FAM114A2: variants seen among roughly 807,000 people sequenced by gnomAD.
FAM114A2 encodes the protein family with sequence similarity 114 member A2, also known as protein FAM114A2.
A neutral mutation model predicts 58.4 loss-of-function variants in FAM114A2; 53 were observed. That is an observed-to-expected ratio of 0.91 (90% CI 0.73 to 1.14). The LOEUF (loss-of-function observed/expected upper bound fraction) is 1.14, where lower values mean the gene tolerates loss of function less well. Among genes scored for constraint, FAM114A2 ranks in the 50% most tolerant of loss-of-function variants. The pLI is 0.00. For synonymous variants in FAM114A2, 228 were observed against 211.4 expected, an observed-to-expected ratio of 1.08 and a Z score of -0.68; for missense variants, 601 against 581.1, an observed-to-expected ratio of 1.03 and a Z score of -0.35.
chr5:154,014,849 C>T (rs1051666145), intron 8 of FAM114A2, among the ~76,000 whole-genome samples: 2 of 152,132 alleles, frequency 1.3e-5, no homozygotes, highest in African/African-American at 4.8e-5. Context: ...ACTCCACAGG[C>T]AGGGGAAAAA....
chr5:153,991,692 A>ATTTTT lies in FAM114A2; in HGVS notation c.*1279_*1283dup, dbSNP rs58561538. The ATTTTT allele has an allele frequency of 1.0e-4, 13 of 129,132 alleles. No homozygotes were observed. The highest frequency in any genetic ancestry group is 3.7e-4 in the African/African-American group (13 of 35,272). The allele number at this position is 129,132 out of a possible 1,614,324, so 8.0% of individuals were successfully genotyped here. The stretch of plus-strand genomic sequence containing the variant: ...ATCTATGTTATGGCTTTGCTTTGCT[A>ATTTTT]TTTTTTTTTTTTTTTTTTGGTCTAA... On this transcript the variant is annotated 3_prime_UTR_variant, in exon 14 of 14. Coordinates refer to ENST00000351797, the MANE Select transcript of FAM114A2 (RefSeq NM_018691.4).
chr5:153,996,541 T>C (rs1769566530), intron 12 of FAM114A2, among the ~76,000 whole-genome samples: 2 of 141,504 alleles, frequency 1.4e-5, no homozygotes, highest in African/African-American at 5.3e-5. Flanking sequence ...CCATCAAAAA[T>C]CTGATAAGAA....
In FAM114A2 at chr5:154,011,367, G is replaced by A. The variant is rs199674752; in HGVS notation, c.914-47C>T. The A allele has an allele frequency of 3.6e-4, 477 of 1,342,136 alleles. 2 individuals are homozygous for A. In the East Asian group the frequency reaches 9.9e-3, roughly 28 times the overall value. The allele number at this position is 1,342,136 out of a possible 1,614,324, so 83.1% of individuals were successfully genotyped here. A position where few individuals can be genotyped will look rare whatever the true frequency, so the allele number is the denominator to read the frequency against. On this transcript the variant is annotated intron_variant, in intron 8 of 13. Transcript: ENST00000351797. The stretch of plus-strand genomic sequence containing the variant: ...AAAACACTCCAGAAAGACTGCTGAG[G>A]ATCATGAGGTGGCAGGCGAGGAGGA...
chr5:154,031,096 G>A (rs1364690999), intron 4 of FAM114A2, among the ~76,000 whole-genome samples: 1 of 151,952 alleles, frequency 6.6e-6, no homozygotes, highest in African/African-American at 2.4e-5. Flanking sequence ...AGGATCACTT[G>A]AGGTCAGGAG....
In FAM114A2 at chr5:153,992,259, C is replaced by T. The variant is rs1769284958; in HGVS notation, c.*717G>A. ...AAACTGCTTCTCTAAATTGCATTTA[C>T]TGGCCTTGAATCCAGTAGAGTAGGG... On this transcript the variant is annotated 3_prime_UTR_variant, in exon 14 of 14. Transcript: ENST00000351797. The T allele has an allele frequency of 1.3e-5, 2 of 152,308 alleles. No individual in the cohort carries two copies. The highest frequency in any genetic ancestry group is 2.1e-4 in the South Asian group (1 of 4,830). 9.4% of individuals were successfully genotyped at this position (152,308 alleles called of 1,614,324 possible).
At chr5:154,032,020 G>A (rs1772236248) in intron 4 of FAM114A2, among the ~76,000 whole-genome samples, 1 of 152,188 alleles carries the variant, frequency 6.6e-6, no homozygotes, top group African/African-American at 2.4e-5. Context: ...CCAATTTACT[G>A]AGCATAAGAC....
rs561072862 is a variant in FAM114A2 at position 154,023,218 on chromosome 5, C to T, written c.913+3181G>A. 1.8e-4 allele frequency among the ~76,000 whole-genome samples: 28 copies of T among 152,162 alleles called. No homozygotes were observed. The South Asian group carries it at 2.5e-3, about 14-fold the overall frequency. The stretch of plus-strand genomic sequence containing the variant: ...AGTTGATGGGTGCAGCAAACCAACA[C>T]GGCACATGTATACATACGTAACAGG... On this transcript the variant is annotated intron_variant, in intron 8 of 13. Coordinates refer to ENST00000351797, the MANE Select transcript of FAM114A2 (RefSeq NM_018691.4).
intron 8 of FAM114A2, among the ~76,000 whole-genome samples, chr5:154,018,630 CTGA>C (rs1249054709): frequency 6.6e-6 from 1 of 152,126 alleles, no homozygotes; most frequent in Admixed American, 6.5e-5. Flanking sequence ...ACCAATATCC[CTGA>C]TGAGTATAGA....
At chr5:154,011,027 T>C (rs1178458721) in intron 9 of FAM114A2, among the ~76,000 whole-genome samples, 1 of 152,096 alleles carries the variant, frequency 6.6e-6, no homozygotes, top group East Asian at 1.9e-4. Context: ...TGAAAACAGG[T>C]AAGGATGGGA....
rs763827655 is a variant in FAM114A2, at chr5:154,027,293, G to A, written c.672C>T (p.Ser224=). Residue 224 remains serine (S), a synonymous_variant, in exon 7 of 14, where the codon TCC becomes TCT. Coordinates refer to ENST00000351797, the MANE Select transcript of FAM114A2 (RefSeq NM_018691.4). Reference sequence around the variant, plus strand: ...TGTCTGTTTCCACGGTAACCTCATTGGAGGTCCGTATCTCTTCTTTCTCCT... The same window carrying A: ...TGTCTGTTTCCACGGTAACCTCATTAGAGGTCCGTATCTCTTCTTTCTCCT... ...EAKEKEEIRT[S]NEVTVETDKK... is the part of the protein sequence containing the mutation. 2 of 1,613,406 alleles carry A rather than the reference G, an allele frequency of 1.2e-6. No individual in the cohort carries two copies. Among genetic ancestry groups the A allele is most frequent in the South Asian group, 2.2e-5 (2 of 91,030 alleles).
At chr5:154,036,372 TA>T (rs1772558552) in intron 1 of FAM114A2, 1 of 152,190 alleles carries the variant, frequency 6.6e-6, no homozygotes, top group Non-Finnish European at 1.5e-5. Flanking sequence ...AAAGCCAAGA[TA>T]CTATTGGTGT....
intron 8 of FAM114A2, among the ~76,000 whole-genome samples, chr5:154,020,145 CAGTGTGT>C (rs1771307609): frequency 6.6e-6 from 1 of 152,152 alleles, no homozygotes; most frequent in Admixed American, 6.6e-5. Context: ...ACATTTAGAG[CAGTGTGT>C]AGAACACTGC....
rs1188932514 is a variant in FAM114A2, at chr5:154,033,776, T to C, written c.403+15A>G. 1.4e-6 allele frequency: 2 copies of C among 1,431,224 alleles called. No homozygotes were observed. The highest frequency in any genetic ancestry group is 1.4e-5 in the African/African-American group (1 of 70,468). The allele number at this position is 1,431,224 out of a possible 1,614,324, so 88.7% of individuals were successfully genotyped here. On this transcript the variant is annotated intron_variant, in intron 4 of 13. Transcript: ENST00000351797. ...CAATTCATAATTCTAGGTCTTTATGTTTCCATATACTGACCTGCTACATAC... is the reference window on the plus strand; with the variant it reads ...CAATTCATAATTCTAGGTCTTTATGCTTCCATATACTGACCTGCTACATAC...
At chr5:154,005,185 C>A (rs2113264200) in intron 9 of FAM114A2, among the ~76,000 whole-genome samples, 1 of 152,314 alleles carries the variant, frequency 6.6e-6, no homozygotes, top group South Asian at 2.1e-4. Flanking sequence ...TGAAGAACAT[C>A]TACTGTTTTG....
chr5:154,028,681 A>G (rs1202672798), intron 5 of FAM114A2, among the ~76,000 whole-genome samples: 2 of 152,266 alleles, frequency 1.3e-5, no homozygotes, highest in African/African-American at 4.8e-5. Flanking sequence ...GAAATACAAC[A>G]AAGAAAATCA....
intron 8 of FAM114A2, among the ~76,000 whole-genome samples, chr5:154,017,199 T>G (rs1331071234): frequency 6.6e-6 from 1 of 152,218 alleles, no homozygotes; most frequent in Non-Finnish European, 1.5e-5. Flanking sequence ...TCCCAGCATT[T>G]TGGGAGGCCG....
At chr5:154,029,203 T>G (rs1772011399) in intron 5 of FAM114A2, among the ~76,000 whole-genome samples, 2 of 152,186 alleles carry the variant, frequency 1.3e-5, no homozygotes, top group South Asian at 4.1e-4. Context: ...GGCCACCAAA[T>G]TAAGAATTCC....
intron 11 of FAM114A2, among the ~76,000 whole-genome samples, chr5:154,001,903 G>C (rs1770001738): frequency 1.3e-5 from 2 of 152,142 alleles, no homozygotes; most frequent in South Asian, 2.1e-4. Flanking sequence ...CCTTAGCATG[G>C]CACTTGGAAT....
chr5:153,999,473 T>A (rs535708759), intron 11 of FAM114A2, among the ~76,000 whole-genome samples: 3 of 151,704 alleles, frequency 2.0e-5, no homozygotes, highest in East Asian at 3.9e-4. Context: ...CTGTCTCTAC[T>A]AAAATACAAA....
Sources: allele counts gnomAD v4.1 joint callset (sites outside exome capture counted in the v4.1 genomes callset), GRCh38; gene constraint gnomAD v4.1.1; transcripts MANE v1.5; gene names NCBI Gene and HGNC (gene_info 2026-07-23, HGNC 2026-07-21).